The following SORCS2 variants were observed in gnomAD, a reference collection of about 807,000 sequenced individuals.
SORCS2 encodes the protein VPS10 domain-containing receptor SorCS2.
SORCS2 carries 100 observed loss-of-function variants against 141.6 expected under a neutral mutation model. The ratio of observed to expected loss-of-function variants is 0.71; its 90% CI spans 0.60 to 0.83. SORCS2 has a LOEUF of 0.83. Among genes scored for constraint, SORCS2 ranks in the 40% least tolerant of loss-of-function variants. The pLI is 0.00. For missense variants in SORCS2, 1,646 were observed against 1,560.2 expected (o/e 1.05, Z -0.93); for synonymous variants, 789 against 676.9 (o/e 1.17, Z -2.57).
At chr4:7,475,006 T>A (rs912650922) in intron 2 of SORCS2, among the ~76,000 whole-genome samples, 2 of 152,186 alleles carry the variant, frequency 1.3e-5, no homozygotes, top group Non-Finnish European at 2.9e-5. Flanking sequence ...CATGACTTTC[T>A]TATAAGGACA....
chr4:7,203,252 T>G (rs1727567688), intron 1 of SORCS2, among the ~76,000 whole-genome samples: 1 of 152,180 alleles, frequency 6.6e-6, no homozygotes, highest in Non-Finnish European at 1.5e-5. Context: ...GCCAACATGG[T>G]GAAAATTTGT....
At chr4:7,196,521 C>T (rs930071693) in intron 1 of SORCS2, among the ~76,000 whole-genome samples, 5 of 152,162 alleles carry the variant, frequency 3.3e-5, no homozygotes, top group Non-Finnish European at 5.9e-5. Context: ...CTGAATGTAT[C>T]ATTTGACTTG....
At chr4:7,221,287 A>G (rs1728689129) in intron 1 of SORCS2, among the ~76,000 whole-genome samples, 1 of 152,152 alleles carries the variant, frequency 6.6e-6, no homozygotes, top group Non-Finnish European at 1.5e-5. Context: ...GTGAGATGGG[A>G]GCTCGCTGCA....
At position 7,502,555 on chromosome 4, in the gene SORCS2, C is replaced by T. The variant is rs780694542; in HGVS notation, c.549-28975C>T. Among the ~76,000 whole-genome samples, 8 of 152,336 alleles carry T rather than the reference C, an allele frequency of 5.3e-5. No homozygotes were observed. In the South Asian group the frequency reaches 1.4e-3, roughly 28 times the overall value. On this transcript the variant is annotated intron_variant, in intron 2 of 26. Coordinates refer to ENST00000507866, the MANE Select transcript of SORCS2 (RefSeq NM_020777.3). The stretch of plus-strand genomic sequence containing the variant: ...TCTGACTGTGGGCCTCATCCCCAGC[C>T]GCCTTTGTTGCTCCTCCTCTTGATG...
intron 4 of SORCS2, among the ~76,000 whole-genome samples, chr4:7,641,944 G>A (rs1720776330): frequency 7.1e-6 from 1 of 140,950 alleles, no homozygotes; most frequent in Admixed American, 7.5e-5. Flanking sequence ...ATGATGGATG[G>A]ATGAATGGAT....
At chr4:7,591,124 G>A (rs1411299816) in intron 3 of SORCS2, among the ~76,000 whole-genome samples, 1 of 152,176 alleles carries the variant, frequency 6.6e-6, no homozygotes, top group African/African-American at 2.4e-5. Context: ...GGGCCAGCGC[G>A]TGCATCCTTA....
intron 1 of SORCS2, among the ~76,000 whole-genome samples, chr4:7,382,571 G>A (rs912846554): frequency 4.6e-5 from 7 of 152,308 alleles, no homozygotes; most frequent in Middle Eastern, 3.4e-3. Flanking sequence ...CCTGAAAGGG[G>A]GTAGAAAATG....
At chr4:7,732,796 G>A (rs6830095) in intron 23 of SORCS2, among the ~76,000 whole-genome samples, 76,292 of 151,936 alleles carry the variant, frequency 0.5, 19,282 homozygotes, top group Admixed American at 0.59. Context: ...TGTCTCGGTC[G>A]CCTTTGTGTC....
intron 3 of SORCS2, among the ~76,000 whole-genome samples, chr4:7,632,729 T>G (rs1719976995): frequency 6.6e-6 from 1 of 152,094 alleles, no homozygotes; most frequent in African/African-American, 2.4e-5. Flanking sequence ...GCCCATTCAT[T>G]GGGATCACGG....
intron 1 of SORCS2, among the ~76,000 whole-genome samples, chr4:7,194,625 C>T (rs1751025701): frequency 2.0e-5 from 3 of 151,686 alleles, no homozygotes; most frequent in South Asian, 2.1e-4. Flanking sequence ...GTCAGGGTGC[C>T]GGCTGGGGTG....
chr4:7,279,835 T>C (rs141666232), intron 1 of SORCS2, among the ~76,000 whole-genome samples: 6 of 152,252 alleles, frequency 3.9e-5, no homozygotes, highest in African/African-American at 1.4e-4. Context: ...GGGCAAAATA[T>C]CTATTTCTGG....
chr4:7,226,008 A>G (rs1480809362), intron 1 of SORCS2, among the ~76,000 whole-genome samples: 1 of 152,274 alleles, frequency 6.6e-6, no homozygotes, highest in African/African-American at 2.4e-5. Context: ...ACTGAGAGCA[A>G]TGTCAAAGCA....
chr4:7,619,995 AC>A (rs1380912342), intron 3 of SORCS2, among the ~76,000 whole-genome samples: 1 of 151,068 alleles, frequency 6.6e-6, no homozygotes, highest in Non-Finnish European at 1.5e-5. Context: ...ATCTAGTTAC[AC>A]CTCTTTTTTC....
At position 7,233,928 on chromosome 4, in the gene SORCS2, A is replaced by G. The variant is rs2108779855; in HGVS notation, c.480+40802A>G. 1.3e-5 allele frequency among the ~76,000 whole-genome samples: 2 copies of G among 152,258 alleles called. No individual in the cohort carries two copies. The highest frequency in any genetic ancestry group is 4.8e-5 in the African/African-American group (2 of 41,536). ...TGGTCTCAGTTTCCGCATCTGTAAA[A>G]GGAGGCTGTTGGGCTCAGGAGCAAG... is the stretch of plus-strand genomic sequence containing the variant. On this transcript the variant is annotated intron_variant, in intron 1 of 26. Transcript: ENST00000507866. This position sits in a 1 kb window ranked among gnomAD's most constrained non-coding sequence, Gnocchi z 4.5.
chr4:7,365,254 G>T (rs1446577254), intron 1 of SORCS2, among the ~76,000 whole-genome samples: 1 of 152,236 alleles, frequency 6.6e-6, no homozygotes, highest in Admixed American at 6.5e-5. Context: ...GGAGGAAGGA[G>T]AGGTGGCTGG....
chr4:7,593,337 G>A (rs1048609752), intron 3 of SORCS2, among the ~76,000 whole-genome samples: 1 of 152,178 alleles, frequency 6.6e-6, no homozygotes, highest in Non-Finnish European at 1.5e-5. Flanking sequence ...TGTTTAACAG[G>A]GGAGCAGCCA....
intron 2 of SORCS2, among the ~76,000 whole-genome samples, chr4:7,463,185 T>A (rs929091914): frequency 1.3e-5 from 2 of 152,154 alleles, no homozygotes; most frequent in African/African-American, 4.8e-5. Context: ...GACCACTCTG[T>A]TGAGAAGCCT....
intron 2 of SORCS2, among the ~76,000 whole-genome samples, chr4:7,513,197 A>G (rs1732768725): frequency 2.0e-5 from 3 of 152,222 alleles, no homozygotes; most frequent in African/African-American, 7.2e-5. Flanking sequence ...GTATGTAGCC[A>G]TAATGTGAGA....
chr4:7,677,796 G>A (rs1398034559), intron 9 of SORCS2, among the ~76,000 whole-genome samples: 1 of 152,220 alleles, frequency 6.6e-6, no homozygotes, highest in Non-Finnish European at 1.5e-5. Context: ...TGCAGATGCA[G>A]CCTCACTGCC....
Sources: allele counts gnomAD v4.1 joint callset (sites outside exome capture counted in the v4.1 genomes callset), GRCh38; gene constraint gnomAD v4.1.1; non-coding constraint Gnocchi (gnomAD v3.1); transcripts MANE v1.5; gene names NCBI Gene and HGNC (gene_info 2026-07-23, HGNC 2026-07-21).